Variants in LPP observed in about 807,000 individuals in gnomAD.
LPP encodes LIM domain containing preferred translocation partner in lipoma.
In LPP, 38 loss-of-function variants were observed where a neutral mutation model predicts 60.4. The ratio of observed to expected loss-of-function variants is 0.63; its 90% CI spans 0.49 to 0.83. LPP has a LOEUF of 0.83. LPP is among the 40% of genes least tolerant of loss of function. The pLI is 0.00. For synonymous variants in LPP, 328 were observed against 290.8 expected, an observed-to-expected ratio of 1.13 and a Z score of -1.30; for missense variants, 902 against 783.6, an observed-to-expected ratio of 1.15 and a Z score of -1.80.
At chr3:188,727,397 T>G (rs1377305821) in intron 8 of LPP, among the ~76,000 whole-genome samples, 1 of 152,194 alleles carries the variant, frequency 6.6e-6, no homozygotes, top group African/African-American at 2.4e-5. Context: ...CAATTTCTGG[T>G]GATGACCACG....
intron 4 of LPP, among the ~76,000 whole-genome samples, chr3:188,469,575 G>A (rs549663223): frequency 2.6e-5 from 4 of 152,208 alleles, no homozygotes; most frequent in South Asian, 4.1e-4. Context: ...GTACTACCCC[G>A]AGGCTCCGTA....
intron 1 of LPP, among the ~76,000 whole-genome samples, chr3:188,195,145 G>A (rs1729175083): frequency 6.6e-6 from 1 of 152,036 alleles, no homozygotes; most frequent in African/African-American, 2.4e-5. Flanking sequence ...TATAATCCCA[G>A]CTACTCAGGA....
At chr3:188,846,751 C>T (rs1468357777) in intron 9 of LPP, among the ~76,000 whole-genome samples, 5 of 150,498 alleles carry the variant, frequency 3.3e-5, no homozygotes. Flanking sequence ...GTAATCTTAT[C>T]TGGCTAGAAT....
chr3:188,603,314 A>G (rs1346754865), intron 6 of LPP, among the ~76,000 whole-genome samples: 1 of 150,798 alleles, frequency 6.6e-6, no homozygotes, highest in Non-Finnish European at 1.5e-5. Flanking sequence ...TCTTAAAAAT[A>G]GGAAAACTAC....
intron 4 of LPP, among the ~76,000 whole-genome samples, chr3:188,449,672 C>T (rs376203711): frequency 5.9e-5 from 9 of 152,228 alleles, no homozygotes; most frequent in Admixed American, 2.6e-4. Flanking sequence ...TCTCACTCTT[C>T]GCTACTTTGT....
At chr3:188,722,737 A>G (rs1456578384) in intron 8 of LPP, among the ~76,000 whole-genome samples, 1 of 152,240 alleles carries the variant, frequency 6.6e-6, no homozygotes, top group Admixed American at 6.5e-5. Flanking sequence ...TTAAAAAGAT[A>G]ATTATCCCTA....
chr3:188,648,254 A>G (rs1851458710), intron 7 of LPP, among the ~76,000 whole-genome samples: 1 of 152,124 alleles, frequency 6.6e-6, no homozygotes, highest in African/African-American at 2.4e-5. Flanking sequence ...TTTATGGGCT[A>G]CATAGGGATG....
At chr3:188,356,370 GAAATTAGATT>G (rs1469907453) in intron 3 of LPP, among the ~76,000 whole-genome samples, 1 of 152,136 alleles carries the variant, frequency 6.6e-6, no homozygotes, top group Non-Finnish European at 1.5e-5. Flanking sequence ...ATTTAAGGGT[GAAATTAGATT>G]AGATCAGTGA....
At chr3:188,457,903 C>T (rs995589695) in intron 4 of LPP, among the ~76,000 whole-genome samples, 5 of 151,722 alleles carry the variant, frequency 3.3e-5, no homozygotes, top group Non-Finnish European at 7.4e-5. Context: ...AGTGAGACTC[C>T]GTCTCAAAAA....
At chr3:188,257,971 A>G (rs920638401) in intron 2 of LPP, among the ~76,000 whole-genome samples, 5 of 152,226 alleles carry the variant, frequency 3.3e-5, no homozygotes, top group African/African-American at 7.2e-5. Flanking sequence ...ACACACTCCT[A>G]CTTTCACCTG....
intron 2 of LPP, among the ~76,000 whole-genome samples, chr3:188,285,159 G>A (rs951619720): frequency 3.9e-5 from 6 of 152,278 alleles, no homozygotes; most frequent in African/African-American, 1.4e-4. Flanking sequence ...CTGTAAATTA[G>A]AAGATAGTGA....
chr3:188,360,699 A>G (rs779004383), intron 3 of LPP, among the ~76,000 whole-genome samples: 4 of 152,098 alleles, frequency 2.6e-5, no homozygotes, highest in Non-Finnish European at 5.9e-5. Flanking sequence ...CAGAAGCTCC[A>G]TCATCCACTT....
chr3:188,168,687 G>T (rs1215397791), intron 1 of LPP, among the ~76,000 whole-genome samples: 1 of 152,140 alleles, frequency 6.6e-6, no homozygotes, highest in Non-Finnish European at 1.5e-5. Context: ...AGACAATTTA[G>T]ATTTAATAAG....
intron 3 of LPP, among the ~76,000 whole-genome samples, chr3:188,350,358 A>G (rs915013076): frequency 1.3e-5 from 2 of 152,196 alleles, no homozygotes; most frequent in Non-Finnish European, 2.9e-5. Flanking sequence ...TGGCTTTGAA[A>G]GATTATTAAT....
At chr3:188,523,874 CA>C (rs2150175640) in intron 5 of LPP, among the ~76,000 whole-genome samples, 1 of 141,206 alleles carries the variant, frequency 7.1e-6, no homozygotes, top group South Asian at 2.3e-4. Flanking sequence ...ACCCTGCCTC[CA>C]AATACTAGGG....
chr3:188,766,181 T>C (rs1193534543), intron 9 of LPP, among the ~76,000 whole-genome samples: 1 of 151,946 alleles, frequency 6.6e-6, no homozygotes, highest in Non-Finnish European at 1.5e-5. Flanking sequence ...CATGTTAAAT[T>C]TTCTACGTGA....
chr3:188,739,314 G>A (rs1322761743), intron 8 of LPP, among the ~76,000 whole-genome samples: 2 of 151,952 alleles, frequency 1.3e-5, no homozygotes, highest in Non-Finnish European at 2.9e-5. Context: ...AAGAAGGAAA[G>A]GACTGAAATC....
chr3:188,747,973 G>A (rs1355419296), intron 8 of LPP, among the ~76,000 whole-genome samples: 1 of 152,100 alleles, frequency 6.6e-6, no homozygotes, highest in East Asian at 1.9e-4. Flanking sequence ...AAATGGCATT[G>A]CCAGTATTTG....
chr3:188,552,818 A>G lies in LPP; in HGVS notation c.429+28031A>G, dbSNP rs116914160. Among the ~76,000 whole-genome samples, 16 of 152,278 alleles carry G rather than the reference A, an allele frequency of 1.1e-4. No homozygotes were observed. In the East Asian group the frequency reaches 2.7e-3, roughly 26 times the overall value. ...TAATCTCCCTGTCTCAAAATCTTTA[A>G]CCTTAATCACATCTGCAAAGTCTTT... On this transcript the variant is annotated intron_variant, in intron 6 of 11. Transcript: ENST00000617246.
Sources: gnomAD v4.1 joint callset for allele counts (sites outside exome capture counted in the v4.1 genomes callset) on GRCh38, gnomAD v4.1.1 for gene constraint, MANE v1.5 for transcripts, NCBI Gene and HGNC (gene_info 2026-07-23, HGNC 2026-07-21) for gene names.